Variants in ATP6V0D2 observed in about 807,000 individuals in gnomAD.
The protein encoded by ATP6V0D2 is ATPase H+ transporting V0 subunit d2.
A neutral mutation model predicts 40.0 loss-of-function variants in ATP6V0D2; 40 were observed. The observed-to-expected ratio is 1.00, with a 90% CI of 0.78 to 1.30. The LOEUF is 1.30. ATP6V0D2 is among the 50% of genes most tolerant of loss of function. The pLI is 0.00. For synonymous variants in ATP6V0D2, 179 were observed against 156.3 expected, an observed-to-expected ratio of 1.15 and a Z score of -1.08; for missense variants, 470 against 423.1, an observed-to-expected ratio of 1.11 and a Z score of -0.97.
At chr8:86,123,528 A>C (rs1818700570) in intron 2 of ATP6V0D2, among the ~76,000 whole-genome samples, 1 of 152,194 alleles carries the variant, frequency 6.6e-6, no homozygotes, top group Non-Finnish European at 1.5e-5. Context: ...AAAAGCTTAG[A>C]CTGGAACTTT....
chr8:86,141,569 C>T (rs759760892), intron 4 of ATP6V0D2, 40 bp downstream of exon 4: 3 of 1,427,822 alleles, frequency 2.1e-6, no homozygotes, highest in South Asian at 1.2e-5. Flanking sequence ...CTTGATTACA[C>T]AATGTATTGT....
chr8:86,102,627 GATC>G (rs1818417689), intron 1 of ATP6V0D2, among the ~76,000 whole-genome samples: 2 of 152,314 alleles, frequency 1.3e-5, no homozygotes, highest in East Asian at 1.9e-4. Context: ...GAGAGAAAAA[GATC>G]ATCCAGCAAA....
Position 86,099,053 on chromosome 8 carries a change from C to T in ATP6V0D2, c.75C>T (p.Ala25=). ...AGGGCCTGGTTCGAGGATGCAAGGC[C>T]AGCCTCCTGACCCAGCAAGACTATA... ...YLEGLVRGCK[A]SLLTQQDYIN... is the part of the protein sequence containing the mutation. The change falls in exon 1 of 8, where the codon GCC becomes GCT. Residue 25 remains alanine, a synonymous_variant. Transcript: ENST00000285393. 1.2e-6 allele frequency: 2 copies of T among 1,613,720 alleles called. No homozygotes were observed. The highest frequency in any genetic ancestry group is 2.2e-5 in the East Asian group (1 of 44,844).
chr8:86,150,080 T>C (rs757735289), intron 5 of ATP6V0D2, 32 bp from the exon 6 acceptor site: 1 of 1,598,538 alleles, frequency 6.3e-7, no homozygotes, highest in Admixed American at 1.7e-5. Flanking sequence ...AGCAGTTTAT[T>C]AGATTTTACT....
chr8:86,119,967 A>G (rs1434400260), intron 2 of ATP6V0D2, among the ~76,000 whole-genome samples: 2 of 152,226 alleles, frequency 1.3e-5, no homozygotes, highest in African/African-American at 4.8e-5. Flanking sequence ...ATATCCAGAT[A>G]ACTCAGCAGT....
At position 86,150,565 on chromosome 8, in the gene ATP6V0D2, G is replaced by T. The variant is rs7011725; in HGVS notation, c.816+277G>T. ...CCTTTTGAAGTGTTTGATAAAGCAAGTTCCCCCAGGAGACTGGTTCAGTGT... is the reference window on the plus strand; with the variant it reads ...CCTTTTGAAGTGTTTGATAAAGCAATTTCCCCCAGGAGACTGGTTCAGTGT... On this transcript the variant is annotated intron_variant, in intron 6 of 7. Coordinates refer to ENST00000285393, the MANE Select transcript of ATP6V0D2 (RefSeq NM_152565.1). Among the ~76,000 whole-genome samples the T allele has an allele frequency of 0.16, 24,010 of 152,038 alleles. 2,170 individuals are homozygous for T. Among genetic ancestry groups the T allele is most frequent in the East Asian group, 0.32 (1,656 of 5,134 alleles).
intron 5 of ATP6V0D2, among the ~76,000 whole-genome samples, chr8:86,146,387 G>A (rs778151236): frequency 6.6e-6 from 1 of 152,010 alleles, no homozygotes; most frequent in Non-Finnish European, 1.5e-5. Flanking sequence ...TTGTTTGTTT[G>A]TTTCAAACAG....
In ATP6V0D2 at chr8:86,113,774, A is replaced by T; in HGVS notation, c.196A>T (p.Thr66Ser). 1 of 1,613,874 alleles carries T rather than the reference A, an allele frequency of 6.2e-7. No homozygotes were observed. The highest frequency in any genetic ancestry group is 8.5e-7 in the Non-Finnish European group (1 of 1,179,858). ...NFLANHTNPLTVSKIDTEMRK... is the reference protein window; with the variant it reads ...NFLANHTNPLSVSKIDTEMRK... Reference sequence around the variant, plus strand: ...TTTGGCTAATCACACAAATCCTCTTACTGTTTCCAAAATTGACACTGAGAT... The same window carrying T: ...TTTGGCTAATCACACAAATCCTCTTTCTGTTTCCAAAATTGACACTGAGAT... The change falls in exon 2 of 8, where the codon ACT (threonine) becomes TCT (serine). Residue 66 changes from threonine to serine, a missense_variant. Physicochemically the swap from Thr to Ser is moderately conservative, Grantham distance 58. Coordinates refer to ENST00000285393, the MANE Select transcript of ATP6V0D2 (RefSeq NM_152565.1).
In ATP6V0D2 at chr8:86,140,835, A is replaced by G. The variant is rs140677251; in HGVS notation, c.482-615A>G. Among the ~76,000 whole-genome samples, 199 of 152,226 alleles carry G rather than the reference A, an allele frequency of 1.3e-3. 4 individuals are homozygous for G. The highest frequency in any genetic ancestry group is 4.6e-3 in the African/African-American group (191 of 41,518). On this transcript the variant is annotated intron_variant, in intron 3 of 7. Transcript: ENST00000285393. Reference sequence around the variant, plus strand: ...CAAACACATTACATTTATTGCGCACATTATTTCTGTAATTATTACACTGTA... The same window carrying G: ...CAAACACATTACATTTATTGCGCACGTTATTTCTGTAATTATTACACTGTA...
intron 1 of ATP6V0D2, among the ~76,000 whole-genome samples, chr8:86,102,354 T>C (rs1284179194): frequency 6.6e-6 from 1 of 152,142 alleles, no homozygotes; most frequent in African/African-American, 2.4e-5. Context: ...AATAGAATCC[T>C]AAAGGCTTAA....
chr8:86,105,505 G>A lies in ATP6V0D2; in HGVS notation c.130+6397G>A, dbSNP rs143769353. On this transcript the variant is annotated intron_variant, in intron 1 of 7. Coordinates refer to ENST00000285393, the MANE Select transcript of ATP6V0D2 (RefSeq NM_152565.1). ...TAGAGACAGGGTTTATTCATGTTGC[G>A]CAGGCTGGTCTTGAACTCCTGAGCT... Among the ~76,000 whole-genome samples, 756 of 151,814 alleles carry A rather than the reference G, an allele frequency of 5.0e-3. 4 individuals are homozygous for A. The highest frequency in any genetic ancestry group is 0.014 in the South Asian group (66 of 4,800).
At position 86,118,995 on chromosome 8, in the gene ATP6V0D2, A is replaced by T. The variant is rs1202330970; in HGVS notation, c.302+5115A>T. On this transcript the variant is annotated intron_variant, in intron 2 of 7. Coordinates refer to ENST00000285393, the MANE Select transcript of ATP6V0D2 (RefSeq NM_152565.1). ...GGCTTCATAAAATTATTTTGCTCAGATTTTAGTTGAGTTCAGAAAATCTGA... is the reference window on the plus strand; with the variant it reads ...GGCTTCATAAAATTATTTTGCTCAGTTTTTAGTTGAGTTCAGAAAATCTGA... Among the ~76,000 whole-genome samples the T allele has an allele frequency of 2.0e-5, 3 of 152,080 alleles. No homozygotes were observed. In the East Asian group the frequency reaches 5.8e-4, roughly 29 times the overall value.
At chr8:86,111,010 T>C (rs1818523095) in intron 1 of ATP6V0D2, among the ~76,000 whole-genome samples, 1 of 152,102 alleles carries the variant, frequency 6.6e-6, no homozygotes, top group Non-Finnish European at 1.5e-5. Flanking sequence ...ACTCTTTACA[T>C]GATTTTAAAA....
At chr8:86,147,180 C>A (rs1819082414) in intron 5 of ATP6V0D2, among the ~76,000 whole-genome samples, 1 of 152,050 alleles carries the variant, frequency 6.6e-6, no homozygotes, top group African/African-American at 2.4e-5. Context: ...GGCTCCATTC[C>A]AGTTCACTTC....
At chr8:86,122,212 C>T (rs567919142) in intron 2 of ATP6V0D2, among the ~76,000 whole-genome samples, 3 of 152,140 alleles carry the variant, frequency 2.0e-5, no homozygotes, top group African/African-American at 7.2e-5. Context: ...AAGTATCCCA[C>T]CTCAGAGGCT....
chr8:86,139,710 T>C (rs1818949046), intron 3 of ATP6V0D2, 75 bp downstream of exon 3: 2 of 1,444,430 alleles, frequency 1.4e-6, no homozygotes, highest in African/African-American at 2.9e-5. Context: ...TATTTTTTTC[T>C]TCCCTGTGGT....
At chr8:86,118,264 G>A (rs1381748894) in intron 2 of ATP6V0D2, among the ~76,000 whole-genome samples, 1 of 149,778 alleles carries the variant, frequency 6.7e-6, no homozygotes, top group Admixed American at 6.7e-5. Flanking sequence ...AGTAGAGATA[G>A]GGTTTCCCCA....
At chr8:86,113,962 C>G in intron 2 of ATP6V0D2, 82 bp downstream of exon 2, 1 of 1,294,874 alleles carries the variant, frequency 7.7e-7, no homozygotes, top group Non-Finnish European at 1.0e-6. Context: ...GGTATCAAGC[C>G]AGAGTGAGAC....
chr8:86,133,633 T>A (rs1818858785), intron 2 of ATP6V0D2, among the ~76,000 whole-genome samples: 1 of 151,594 alleles, frequency 6.6e-6, no homozygotes. Flanking sequence ...AAGCAGAAAA[T>A]CTTCAGATAA....
Sources: gnomAD v4.1 joint callset for allele counts (sites outside exome capture counted in the v4.1 genomes callset) on GRCh38, gnomAD v4.1.1 for gene constraint, MANE v1.5 for transcripts, NCBI Gene and HGNC (gene_info 2026-07-23, HGNC 2026-07-21) for gene names.